The following BRAF variants were observed in gnomAD, a reference collection of about 807,000 sequenced individuals.
BRAF encodes the protein serine/threonine-protein kinase B-raf.
A neutral mutation model predicts 104.6 loss-of-function variants in BRAF; 16 were observed. The observed-to-expected ratio is 0.15, with a 90% CI of 0.10 to 0.23. The LOEUF is 0.23. Ranked by LOEUF, BRAF falls within the 10% of genes least tolerant of loss-of-function variation. The pLI, the probability that BRAF is intolerant of heterozygous loss-of-function variation, is 1.00. For missense variants in BRAF, 541 were observed against 937.3 expected (o/e 0.58, Z 5.52); for synonymous variants, 310 against 341.6 (o/e 0.91, Z 1.02).
chr7:140,769,240 C>G (rs1799612520), intron 14 of BRAF, among the ~76,000 whole-genome samples: 2 of 151,978 alleles, frequency 1.3e-5, no homozygotes, highest in South Asian at 4.1e-4. Flanking sequence ...CCATGCCCAG[C>G]TGATTTTTTG....
At chr7:140,831,831 A>C (rs1806791570) in intron 3 of BRAF, among the ~76,000 whole-genome samples, 1 of 152,274 alleles carries the variant, frequency 6.6e-6, no homozygotes, top group Non-Finnish European at 1.5e-5. Context: ...TTATGAAGAC[A>C]CATGACTTTG....
intron 1 of BRAF, among the ~76,000 whole-genome samples, chr7:140,913,240 C>A (rs1472516909): frequency 6.6e-6 from 1 of 151,886 alleles, no homozygotes; most frequent in African/African-American, 2.4e-5. Flanking sequence ...GGTTTCTCAG[C>A]CCCATCCCCC....
At chr7:140,775,988 A>G (rs558385340) in intron 14 of BRAF, among the ~76,000 whole-genome samples, 60 of 152,242 alleles carry the variant, frequency 3.9e-4, no homozygotes, top group African/African-American at 1.4e-3. Flanking sequence ...TTGTAATGTA[A>G]AAGTAGCATA....
At chr7:140,803,189 T>C (rs952070988) in intron 5 of BRAF, among the ~76,000 whole-genome samples, 1 of 152,184 alleles carries the variant, frequency 6.6e-6, no homozygotes, top group African/African-American at 2.4e-5. Context: ...AAAATCACCA[T>C]TGATGCATTT....
At chr7:140,748,275 A>G (rs1466314270) in intron 17 of BRAF, among the ~76,000 whole-genome samples, 1 of 152,208 alleles carries the variant, frequency 6.6e-6, no homozygotes, top group African/African-American at 2.4e-5. Context: ...TTATATACAA[A>G]AACTACCATT....
intron 1 of BRAF, among the ~76,000 whole-genome samples, chr7:140,893,011 A>C (rs145346535): frequency 3.9e-5 from 6 of 152,344 alleles, no homozygotes; most frequent in African/African-American, 1.4e-4. Flanking sequence ...AATCTATTTG[A>C]TGTCCAACTT....
Position 140,898,497 on chromosome 7 carries a change from T to C in BRAF, c.138+26069A>G, listed in dbSNP as rs193109785. On this transcript the variant is annotated intron_variant, in intron 1 of 19. Transcript: ENST00000644969. ...TTAAGAAAAAACCCAAAGGCTAACA[T>C]ATGAAAACATACTCAACCTCACTAG... 2.6e-5 allele frequency among the ~76,000 whole-genome samples: 4 copies of C among 152,272 alleles called. No individual in the cohort carries two copies. In the East Asian group the frequency reaches 7.7e-4, roughly 29 times the overall value.
intron 19 of BRAF, among the ~76,000 whole-genome samples, chr7:140,730,076 G>A (rs542223978): frequency 2.2e-4 from 33 of 152,162 alleles, no homozygotes; most frequent in Non-Finnish European, 4.0e-4. Flanking sequence ...CCTAAAACAT[G>A]GAGAATTTAA....
rs530934164 is a variant in BRAF, at chr7:140,832,313, T to C, written c.504+2296A>G. 3.5e-4 allele frequency among the ~76,000 whole-genome samples: 54 copies of C among 152,314 alleles called. 1 individual carries two copies. Among genetic ancestry groups the C allele is most frequent in the African/African-American group, 1.2e-3 (50 of 41,568 alleles). On this transcript the variant is annotated intron_variant, in intron 3 of 19. Coordinates refer to ENST00000644969, the MANE Select transcript of BRAF (RefSeq NM_001374258.1). ...TGTTCAGGACAAACAGAAACATGTA[T>C]TTTGATAGAGGAACTGTCATTCACT...
chr7:140,868,570 G>A (rs1226815811), intron 1 of BRAF, among the ~76,000 whole-genome samples: 3 of 152,048 alleles, frequency 2.0e-5, no homozygotes, highest in African/African-American at 2.4e-5. Context: ...GAAATGGGGG[G>A]AATATAAGGA....
intron 19 of BRAF, chr7:140,734,033 T>C (rs1343907291): frequency 9.6e-7 from 1 of 1,039,094 alleles, no homozygotes; most frequent in Non-Finnish European, 1.2e-6. Flanking sequence ...AAACTTAGTT[T>C]ATTGCTTCAA....
rs1795453891 is a variant in BRAF, at chr7:140,723,968, T to C, written c.*2526A>G. 9.6e-7 allele frequency: 1 copy of C among 1,041,654 alleles called. No individual in the cohort carries two copies. Among genetic ancestry groups the C allele is most frequent in the Non-Finnish European group, 1.2e-6 (1 of 864,170 alleles). The allele number at this position is 1,041,654 out of a possible 1,614,324, so 64.5% of individuals were successfully genotyped here. On this transcript the variant is annotated 3_prime_UTR_variant, in exon 20 of 20. Transcript: ENST00000644969. ...ATTTGTAAACTAGAGAAAAAACCTA[T>C]TTCATAGAAAAAGGAAGAAAAGAGA...
intron 3 of BRAF, among the ~76,000 whole-genome samples, chr7:140,826,592 G>C (rs1468391654): frequency 2.0e-5 from 3 of 152,092 alleles, no homozygotes; most frequent in Non-Finnish European, 4.4e-5. Context: ...AAAGCATCAG[G>C]AAATGTCCTA....
chr7:140,783,810 A>C (rs1031131796), intron 10 of BRAF, among the ~76,000 whole-genome samples: 4 of 152,240 alleles, frequency 2.6e-5, no homozygotes, highest in Non-Finnish European at 1.5e-5. Flanking sequence ...AAAGCCGGGC[A>C]TATTTCTCAA....
intron 7 of BRAF, among the ~76,000 whole-genome samples, chr7:140,798,424 T>G (rs1802723967): frequency 6.6e-6 from 1 of 151,182 alleles, no homozygotes; most frequent in Admixed American, 6.6e-5. Flanking sequence ...GCCCGGCTAA[T>G]TTTGTTTTTG....
intron 1 of BRAF, among the ~76,000 whole-genome samples, chr7:140,890,704 T>C (rs572381025): frequency 1.6e-4 from 25 of 152,342 alleles, no homozygotes; most frequent in Non-Finnish European, 1.5e-5. Context: ...GAACCTCTGG[T>C]GCAGGGCCCC....
At chr7:140,772,954 C>T (rs745627513) in intron 14 of BRAF, among the ~76,000 whole-genome samples, 2 of 152,230 alleles carry the variant, frequency 1.3e-5, no homozygotes, top group Non-Finnish European at 2.9e-5. Context: ...TAAATAATTG[C>T]AAAGGACATA....
At chr7:140,887,240 AAAG>A (rs1481180096) in intron 1 of BRAF, among the ~76,000 whole-genome samples, 3 of 152,238 alleles carry the variant, frequency 2.0e-5, no homozygotes, top group Non-Finnish European at 4.4e-5. Flanking sequence ...GTGTGGCACA[AAAG>A]AAGCCCCTAT....
At chr7:140,812,943 A>G (rs1289905236) in intron 3 of BRAF, among the ~76,000 whole-genome samples, 1 of 152,166 alleles carries the variant, frequency 6.6e-6, no homozygotes, top group African/African-American at 2.4e-5. Flanking sequence ...ACAAACCATA[A>G]AAGAACTAGA....
Sources: allele counts gnomAD v4.1 joint callset (sites outside exome capture counted in the v4.1 genomes callset), GRCh38; gene constraint gnomAD v4.1.1; transcripts MANE v1.5; gene names NCBI Gene and HGNC (gene_info 2026-07-23, HGNC 2026-07-21).